The following C9 variants were observed in gnomAD, a reference collection of about 807,000 sequenced individuals.
The protein encoded by C9 is complement C9.
Under a neutral mutation model 65.4 loss-of-function variants are expected in C9, and 63 were observed. The observed-to-expected ratio is 0.96, with a 90% CI of 0.79 to 1.19. C9 has a LOEUF of 1.19. Ranked by LOEUF, C9 falls within the 50% of genes most tolerant of loss-of-function variation. The pLI, the probability that C9 is intolerant of heterozygous loss-of-function variation, is 0.00. For missense variants in C9, 744 were observed against 670.1 expected, an observed-to-expected ratio of 1.11 and a Z score of -1.22; for synonymous variants, 229 against 227.9, an observed-to-expected ratio of 1.00 and a Z score of -0.04.
intron 5 of C9, among the ~76,000 whole-genome samples, chr5:39,320,664 C>T (rs1753650655): frequency 6.6e-6 from 1 of 151,920 alleles, no homozygotes; most frequent in East Asian, 1.9e-4. Flanking sequence ...AAAGGAGCAC[C>T]CAGGTCCATG....
intron 5 of C9, among the ~76,000 whole-genome samples, chr5:39,327,430 G>C (rs1261061070): frequency 6.6e-6 from 1 of 152,148 alleles, no homozygotes; most frequent in African/African-American, 2.4e-5. Flanking sequence ...AGATTTAAAG[G>C]AGATTATAAT....
chr5:39,297,627 A>T (rs1196584587), intron 9 of C9, among the ~76,000 whole-genome samples: 1 of 151,688 alleles, frequency 6.6e-6, no homozygotes, highest in African/African-American at 2.4e-5. Flanking sequence ...TAATATTGTT[A>T]GGAATAAAAA....
intron 1 of C9, among the ~76,000 whole-genome samples, chr5:39,347,155 T>C (rs1428919043): frequency 1.3e-5 from 2 of 152,180 alleles, no homozygotes; most frequent in Admixed American, 6.5e-5. Flanking sequence ...CAACATAGTG[T>C]TGGAAGTTCT....
chr5:39,292,224 G>A (rs1201589266), intron 9 of C9, among the ~76,000 whole-genome samples: 1 of 151,502 alleles, frequency 6.6e-6, no homozygotes, highest in Non-Finnish European at 1.5e-5. Flanking sequence ...TGACAACAAA[G>A]GGAAATGCTA....
At position 39,341,560 on chromosome 5, in the gene C9, A is replaced by G; in HGVS notation, c.324T>C (p.Ser108=). 2 of 1,613,978 alleles carry G rather than the reference A, an allele frequency of 1.2e-6. No homozygotes were observed. Among genetic ancestry groups the G allele is most frequent in the Non-Finnish European group, 1.7e-6 (2 of 1,179,862 alleles). ...EDDCGNDFQC[S]TGRCIKMRLR... is the part of the protein sequence containing the mutation. The stretch of plus-strand genomic sequence containing the variant: ...CAATTCAAGCACAAAGATTACCTGT[A>G]CTGCATTGAAAGTCATTTCCGCAGT... Residue 108 remains serine, a synonymous_variant, in exon 3 of 11, where the codon AGT becomes AGC. Transcript: ENST00000263408.
intron 4 of C9, among the ~76,000 whole-genome samples, chr5:39,340,690 G>C (rs547321283): frequency 6.6e-6 from 1 of 152,068 alleles, no homozygotes; most frequent in African/African-American, 2.4e-5. Flanking sequence ...ATTCCTCCTG[G>C]GTCAGCTCCA....
At position 39,296,437 on chromosome 5, in the gene C9, T is replaced by A. The variant is rs539248516; in HGVS notation, c.1417-7486A>T. Among the ~76,000 whole-genome samples the A allele has an allele frequency of 8.5e-4, 129 of 151,128 alleles. 1 individual carries two copies. The highest frequency in any genetic ancestry group is 3.0e-3 in the African/African-American group (123 of 41,346). On this transcript the variant is annotated intron_variant, in intron 9 of 10. Coordinates refer to ENST00000263408, the MANE Select transcript of C9 (RefSeq NM_001737.5). ...TTAAAAATGTTCAATATCAAACGGATAAAAATAAACAATGCTGGCAAGGAT... is the reference window on the plus strand; with the variant it reads ...TTAAAAATGTTCAATATCAAACGGAAAAAAATAAACAATGCTGGCAAGGAT...
chr5:39,337,149 C>T (rs2111943867), intron 4 of C9, among the ~76,000 whole-genome samples: 1 of 152,254 alleles, frequency 6.6e-6, no homozygotes, highest in Middle Eastern at 3.4e-3. Flanking sequence ...TTGTGAAAAA[C>T]ATGTACGTAT....
rs775670257 is a variant in C9 at position 39,288,881 on chromosome 5, C to A, written c.1487G>T (p.Arg496Ile). Residue 496 changes from arginine (R) to isoleucine (I), a missense_variant, in exon 10 of 11, where the codon AGA becomes ATA. Arg to Ile is a moderately conservative substitution (Grantham distance 97, BLOSUM62 -3). Transcript: ENST00000263408. Reference protein sequence around the residue: ...NAHLKKQNLERAIEDYINEFS... With the variant: ...NAHLKKQNLEIAIEDYINEFS... ...TTCATTGATATAGTCTTCAATGGCT[C>A]TTTCCAAGTTTTGTTTCTTTAGGTG... The A allele has an allele frequency of 3.7e-6, 6 of 1,611,518 alleles. No homozygotes were observed. Among genetic ancestry groups the A allele is most frequent in the South Asian group, 2.2e-5 (2 of 91,020 alleles).
chr5:39,334,185 G>T (rs1167276993), intron 4 of C9, among the ~76,000 whole-genome samples: 6 of 151,442 alleles, frequency 4.0e-5, no homozygotes, highest in African/African-American at 1.5e-4. Context: ...CTTCCCGGCC[G>T]CCATCCCATC....
chr5:39,290,459 AAAC>A (rs1411354805), intron 9 of C9, among the ~76,000 whole-genome samples: 3 of 51,392 alleles, frequency 5.8e-5, no homozygotes, highest in Non-Finnish European at 1.1e-4. Flanking sequence ...GAGCTAAAAC[AAAC>A]AAACAAACAA....
intron 4 of C9, among the ~76,000 whole-genome samples, chr5:39,335,225 T>C (rs1192972214): frequency 1.3e-5 from 2 of 152,238 alleles, no homozygotes; most frequent in East Asian, 3.8e-4. Context: ...CTTTTGTTTA[T>C]ATTGATGATT....
At chr5:39,304,730 A>G (rs575007017) in intron 9 of C9, among the ~76,000 whole-genome samples, 3 of 152,308 alleles carry the variant, frequency 2.0e-5, no homozygotes, top group South Asian at 4.1e-4. Flanking sequence ...GTTTATCAAG[A>G]AAGAAACTTA....
chr5:39,296,461 A>C (rs1753187968), intron 9 of C9, among the ~76,000 whole-genome samples: 1 of 151,658 alleles, frequency 6.6e-6, no homozygotes, highest in Non-Finnish European at 1.5e-5. Flanking sequence ...GCTGGCAAGG[A>C]TGTGGAAAAA....
At chr5:39,348,221 G>C (rs141841354) in intron 1 of C9, among the ~76,000 whole-genome samples, 8,335 of 152,126 alleles carry the variant, frequency 0.055, 367 homozygotes, top group African/African-American at 0.12. Flanking sequence ...ACTACCATCA[G>C]AGCGAACAGG....
intron 9 of C9, among the ~76,000 whole-genome samples, chr5:39,289,441 G>GT (rs3836796): frequency 0.43 from 63,622 of 148,352 alleles, 14,284 homozygotes; most frequent in East Asian, 0.64. Flanking sequence ...TTTCTTTCTT[G>GT]TTTTTTTTTT....
Position 39,298,213 on chromosome 5 carries a change from GA to G in C9, c.1416+8403del, listed in dbSNP as rs1433602788. ...AGCACAAAATACCTATATTAGACAA[GA>G]AAAAAATATCTAAAATCAATAATAA... On this transcript the variant is annotated intron_variant, in intron 9 of 10. Coordinates refer to ENST00000263408, the MANE Select transcript of C9 (RefSeq NM_001737.5). Among the ~76,000 whole-genome samples, 6 of 150,006 alleles carry G rather than the reference GA, an allele frequency of 4.0e-5. 1 individual carries two copies. In the South Asian group the frequency reaches 6.3e-4, roughly 16 times the overall value.
At chr5:39,293,232 A>G (rs1305690446) in intron 9 of C9, among the ~76,000 whole-genome samples, 3 of 152,056 alleles carry the variant, frequency 2.0e-5, no homozygotes, top group Non-Finnish European at 4.4e-5. Flanking sequence ...TTGAAGGTAA[A>G]TACATTAAAT....
At chr5:39,312,173 C>T (rs1049379563) in intron 6 of C9, among the ~76,000 whole-genome samples, 1 of 152,130 alleles carries the variant, frequency 6.6e-6, no homozygotes, top group Non-Finnish European at 1.5e-5. Flanking sequence ...TCTAAATATG[C>T]TGCTGTGTCT....
Sources: gnomAD v4.1 joint callset for allele counts (sites outside exome capture counted in the v4.1 genomes callset) on GRCh38, gnomAD v4.1.1 for gene constraint, MANE v1.5 for transcripts, NCBI Gene and HGNC (gene_info 2026-07-23, HGNC 2026-07-21) for gene names.